The following CNTN5 variants were observed in gnomAD, a reference collection of about 807,000 sequenced individuals.
CNTN5 encodes contactin 5, also known as contactin-5.
CNTN5 carries 77 observed loss-of-function variants against 129.1 expected under a neutral mutation model. The observed-to-expected ratio is 0.60, with a 90% CI of 0.50 to 0.72. The LOEUF is 0.72. CNTN5 is among the 30% of genes least tolerant of loss of function. The probability of loss-of-function intolerance (pLI) is 0.00; values close to 1 mark genes in which losing one functional copy is unlikely to be tolerated. For synonymous variants in CNTN5, 509 were observed against 465.6 expected (o/e 1.09, Z -1.20); for missense variants, 1,478 against 1,328.8 (o/e 1.11, Z -1.75).
chr11:99,995,622 G>A (rs1045106879), intron 8 of CNTN5, among the ~76,000 whole-genome samples: 8 of 151,364 alleles, frequency 5.3e-5, no homozygotes, highest in African/African-American at 1.7e-4. Context: ...CAAAATAATT[G>A]TACAGAGAAC....
At chr11:99,078,461 A>G (rs1232247263) in intron 1 of CNTN5, among the ~76,000 whole-genome samples, 1 of 152,238 alleles carries the variant, frequency 6.6e-6, no homozygotes. Context: ...CAGTATATCA[A>G]AGAGATATCT....
intron 1 of CNTN5, among the ~76,000 whole-genome samples, chr11:99,229,842 A>G (rs1860895002): frequency 6.6e-6 from 1 of 151,894 alleles, no homozygotes; most frequent in African/African-American, 2.4e-5. Context: ...TACTTCTGTC[A>G]ACATGGTTTG....
At chr11:99,385,652 CTT>C (rs1940881611) in intron 2 of CNTN5, among the ~76,000 whole-genome samples, 2 of 152,100 alleles carry the variant, frequency 1.3e-5, no homozygotes, top group African/African-American at 4.8e-5. Flanking sequence ...ATTTGAGGCT[CTT>C]TTTGTTGAAA....
At chr11:99,107,998 A>T (rs953721812) in intron 1 of CNTN5, among the ~76,000 whole-genome samples, 1 of 151,090 alleles carries the variant, frequency 6.6e-6, no homozygotes, top group Non-Finnish European at 1.5e-5. Flanking sequence ...GAGAGGAAGG[A>T]ATGTGGTTAT....
chr11:100,306,526 A>G (rs1213665254), intron 20 of CNTN5, among the ~76,000 whole-genome samples: 1 of 151,728 alleles, frequency 6.6e-6, no homozygotes, highest in Non-Finnish European at 1.5e-5. Flanking sequence ...TTTATTCTGA[A>G]GAGAAGTAAA....
intron 2 of CNTN5, among the ~76,000 whole-genome samples, chr11:99,515,324 C>T (rs1947006260): frequency 6.6e-6 from 1 of 151,960 alleles, no homozygotes. Context: ...ATAGCCACAG[C>T]CTGAATAGAT....
intron 8 of CNTN5, among the ~76,000 whole-genome samples, chr11:99,993,310 C>T (rs964220251): frequency 6.6e-6 from 1 of 152,130 alleles, no homozygotes; most frequent in Admixed American, 6.6e-5. Context: ...TTTTGCAACA[C>T]TTTTATCAGC....
chr11:100,246,989 A>G (rs144390735), intron 16 of CNTN5, among the ~76,000 whole-genome samples: 2,880 of 152,302 alleles, frequency 0.019, 41 homozygotes, highest in Non-Finnish European at 0.026. Context: ...GAAAGCCACC[A>G]CTAGTAAAAC....
At chr11:99,197,346 A>G (rs1858954944) in intron 1 of CNTN5, among the ~76,000 whole-genome samples, 1 of 152,014 alleles carries the variant, frequency 6.6e-6, no homozygotes, top group African/African-American at 2.4e-5. Flanking sequence ...ATATATTTTT[A>G]TGAATTATTA....
At chr11:99,330,089 A>T (rs2136022958) in intron 2 of CNTN5, among the ~76,000 whole-genome samples, 1 of 151,994 alleles carries the variant, frequency 6.6e-6, no homozygotes, top group East Asian at 1.9e-4. Context: ...GACTTAAAAA[A>T]AAAAGGAAAA....
intron 1 of CNTN5, among the ~76,000 whole-genome samples, chr11:99,237,429 T>C (rs1191633221): frequency 1.3e-5 from 2 of 152,164 alleles, no homozygotes; most frequent in East Asian, 3.8e-4. Flanking sequence ...AGGCCTGTAA[T>C]CCCGACACTG....
chr11:99,030,062 G>A (rs1471795020), intron 1 of CNTN5, among the ~76,000 whole-genome samples: 1 of 152,108 alleles, frequency 6.6e-6, no homozygotes, highest in Non-Finnish European at 1.5e-5. Flanking sequence ...ATGGCATATG[G>A]TGAGGTCACA....
chr11:99,228,728 A>G (rs536234060), intron 1 of CNTN5, among the ~76,000 whole-genome samples: 28 of 151,964 alleles, frequency 1.8e-4, no homozygotes, highest in Non-Finnish European at 3.4e-4. Flanking sequence ...CTAAGTTCAT[A>G]TGCTATTTAA....
intron 8 of CNTN5, among the ~76,000 whole-genome samples, chr11:99,961,358 T>C (rs1950942635): frequency 6.6e-6 from 1 of 151,950 alleles, no homozygotes; most frequent in Non-Finnish European, 1.5e-5. Flanking sequence ...CAAAACTAAA[T>C]CTATATTATT....
At chr11:99,588,067 G>C (rs1949858341) in intron 3 of CNTN5, among the ~76,000 whole-genome samples, 2 of 152,186 alleles carry the variant, frequency 1.3e-5, no homozygotes, top group African/African-American at 4.8e-5. Flanking sequence ...CCACCGGCCG[G>C]GCGCAGTGGC....
At chr11:99,428,464 G>C (rs1943225772) in intron 2 of CNTN5, among the ~76,000 whole-genome samples, 1 of 151,120 alleles carries the variant, frequency 6.6e-6, no homozygotes, top group South Asian at 2.1e-4. Context: ...GGGAGGTTAA[G>C]GTGAGAGATC....
rs889580925 is a variant in CNTN5 at position 99,064,403 on chromosome 11, C to T, written c.-210+43133C>T. Among the ~76,000 whole-genome samples, 2 of 148,534 alleles carry T rather than the reference C, an allele frequency of 1.3e-5. 1 individual carries two copies. Among genetic ancestry groups the T allele is most frequent in the Non-Finnish European group, 3.0e-5 (2 of 66,658 alleles). On this transcript the variant is annotated intron_variant, in intron 1 of 24. Transcript: ENST00000524871. Reference sequence around the variant, plus strand: ...TGAGCAGCATGTAGGGAAAGAGCAACCTGAACCAGAAAAATGTACAGAAAA... The same window carrying T: ...TGAGCAGCATGTAGGGAAAGAGCAATCTGAACCAGAAAAATGTACAGAAAA...
chr11:99,521,665 C>A (rs1168190263), intron 2 of CNTN5, among the ~76,000 whole-genome samples: 1 of 152,196 alleles, frequency 6.6e-6, no homozygotes, highest in Non-Finnish European at 1.5e-5. Context: ...CCTCCTTGCT[C>A]ATTAAGCAGT....
chr11:99,034,980 C>T lies in CNTN5; in HGVS notation c.-210+13710C>T, dbSNP rs931635992. ...TTCTGGTATGTTGTGTCTTTGTTCTCGTTGGTTTCAAAGAACATCTTTATT... is the reference window on the plus strand; with the variant it reads ...TTCTGGTATGTTGTGTCTTTGTTCTTGTTGGTTTCAAAGAACATCTTTATT... On this transcript the variant is annotated intron_variant, in intron 1 of 24. Transcript: ENST00000524871. Among the ~76,000 whole-genome samples, 25 of 150,850 alleles carry T rather than the reference C, an allele frequency of 1.7e-4. 1 individual carries two copies. Among genetic ancestry groups the T allele is most frequent in the African/African-American group, 4.1e-4 (17 of 41,102 alleles).
Sources: allele counts gnomAD v4.1 joint callset (sites outside exome capture counted in the v4.1 genomes callset), GRCh38; gene constraint gnomAD v4.1.1; transcripts MANE v1.5; gene names NCBI Gene and HGNC (gene_info 2026-07-23, HGNC 2026-07-21).